The following CDH13 variants were observed in gnomAD, a reference collection of about 807,000 sequenced individuals.
The protein encoded by CDH13 is cadherin 13.
In CDH13, 24 loss-of-function variants were observed where a neutral mutation model predicts 63.8. The ratio of observed to expected loss-of-function variants is 0.38; its 90% CI spans 0.27 to 0.53. The LOEUF (loss-of-function observed/expected upper bound fraction) is 0.53, where lower values mean the gene tolerates loss of function less well. CDH13 is among the 20% of genes least tolerant of loss of function. The pLI is 0.85. For synonymous variants in CDH13, 503 were observed against 355.3 expected (o/e 1.42, Z -4.67); for missense variants, 1,049 against 903.1 (o/e 1.16, Z -2.07).
chr16:83,577,744 C>A (rs916313690), intron 7 of CDH13, among the ~76,000 whole-genome samples: 1 of 152,136 alleles, frequency 6.6e-6, no homozygotes, highest in African/African-American at 2.4e-5. Context: ...GTAGATGCAT[C>A]CAAAAGCCCT....
At chr16:83,382,264 A>C (rs145647103) in intron 6 of CDH13, among the ~76,000 whole-genome samples, 26 of 152,322 alleles carry the variant, frequency 1.7e-4, no homozygotes, top group African/African-American at 6.0e-4. Context: ...ACATTGACCA[A>C]TACTAGCATC....
intron 3 of CDH13, among the ~76,000 whole-genome samples, chr16:83,060,026 C>A (rs920414660): frequency 2.6e-5 from 4 of 151,974 alleles, no homozygotes; most frequent in African/African-American, 7.3e-5. Flanking sequence ...GATCTCCTGA[C>A]CTTGTGATCC....
intron 5 of CDH13, among the ~76,000 whole-genome samples, chr16:83,334,384 C>CACAG (rs1191257128): frequency 7.2e-6 from 1 of 138,716 alleles, no homozygotes; most frequent in Non-Finnish European, 1.6e-5. Context: ...CACACACACA[C>CACAG]ACACACACAC....
At chr16:83,246,839 A>G (rs2194341) in intron 5 of CDH13, among the ~76,000 whole-genome samples, 1 of 152,076 alleles carries the variant, frequency 6.6e-6, no homozygotes, top group African/African-American at 2.4e-5. Flanking sequence ...TTCCTTCTTC[A>G]GTTCTCCTTT....
intron 6 of CDH13, among the ~76,000 whole-genome samples, chr16:83,480,605 T>C (rs2073737257): frequency 6.6e-6 from 1 of 152,136 alleles, no homozygotes; most frequent in Admixed American, 6.5e-5. Flanking sequence ...GCAACAATTC[T>C]CACATTGGCA....
At chr16:83,466,403 A>C (rs985050364) in intron 6 of CDH13, among the ~76,000 whole-genome samples, 1 of 152,226 alleles carries the variant, frequency 6.6e-6, no homozygotes, top group African/African-American at 2.4e-5. Context: ...ATACAGAAAC[A>C]GTCCAGCAAC....
chr16:83,125,571 G>A, intron 4 of CDH13, 70 bp downstream of exon 4: 1 of 798,944 alleles, frequency 1.3e-6, no homozygotes, highest in Non-Finnish European at 2.1e-6. Flanking sequence ...GACTGAGTAT[G>A]ACTGTCTTGG....
intron 2 of CDH13, among the ~76,000 whole-genome samples, chr16:82,886,855 C>T (rs896581889): frequency 6.6e-6 from 1 of 152,120 alleles, no homozygotes; most frequent in Non-Finnish European, 1.5e-5. Context: ...CATTTTATCT[C>T]CGTGATGTTT....
chr16:83,191,505 A>ATATG (rs1491422081), intron 4 of CDH13, among the ~76,000 whole-genome samples: 7,788 of 73,690 alleles, frequency 0.11, 365 homozygotes, highest in Middle Eastern at 0.24. Context: ...ATATATATAT[A>ATATG]CACACACACA....
Position 82,796,303 on chromosome 16 carries a change from C to G in CDH13, c.46-62059C>G, listed in dbSNP as rs115315708. On this transcript the variant is annotated intron_variant, in intron 1 of 13. Coordinates refer to ENST00000567109, the MANE Select transcript of CDH13 (RefSeq NM_001257.5). ...TATGGGGTACCTGGGAAACATCAAG[C>G]CTTACCTAGAATCATCTTTCCAATC... Among the ~76,000 whole-genome samples the G allele has an allele frequency of 4.5e-3, 684 of 152,282 alleles. 8 individuals are homozygous for G. The highest frequency in any genetic ancestry group is 0.016 in the African/African-American group (654 of 41,554).
At chr16:83,222,760 T>C (rs189507037) in intron 5 of CDH13, among the ~76,000 whole-genome samples, 1 of 152,022 alleles carries the variant, frequency 6.6e-6, no homozygotes, top group Non-Finnish European at 1.5e-5. Context: ...TATTAAAGAG[T>C]ACAGGTAGCC....
At chr16:83,134,441 C>T (rs746243958) in intron 4 of CDH13, among the ~76,000 whole-genome samples, 5 of 151,928 alleles carry the variant, frequency 3.3e-5, no homozygotes, top group Non-Finnish European at 7.4e-5. Context: ...CCACCTGCCT[C>T]GGCCTCCCAA....
chr16:82,762,131 G>A (rs2034877876), intron 1 of CDH13, among the ~76,000 whole-genome samples: 1 of 152,138 alleles, frequency 6.6e-6, no homozygotes, highest in South Asian at 2.1e-4. Flanking sequence ...GCTGGCTGCA[G>A]TCCCCTTCTT....
chr16:83,427,257 T>C (rs2071939467), intron 6 of CDH13, among the ~76,000 whole-genome samples: 1 of 151,868 alleles, frequency 6.6e-6, no homozygotes, highest in Non-Finnish European at 1.5e-5. Context: ...CTAGATGTGA[T>C]TAAGTTAAGG....
intron 10 of CDH13, among the ~76,000 whole-genome samples, chr16:83,696,146 C>T (rs563711988): frequency 1.6e-3 from 240 of 152,312 alleles, no homozygotes; most frequent in African/African-American, 5.6e-3. Flanking sequence ...TCGCTTCTGC[C>T]TCCCACAGTG....
intron 5 of CDH13, among the ~76,000 whole-genome samples, chr16:83,249,256 A>G (rs1905255229): frequency 6.6e-6 from 1 of 152,166 alleles, no homozygotes; most frequent in Non-Finnish European, 1.5e-5. Flanking sequence ...GGCACGCTTG[A>G]GCCAGCTCAT....
chr16:82,875,787 G>C (rs1343844529), intron 2 of CDH13, among the ~76,000 whole-genome samples: 1 of 152,186 alleles, frequency 6.6e-6, no homozygotes, highest in Non-Finnish European at 1.5e-5. Context: ...AATAGTAAAG[G>C]AGTGTTAGAA....
At chr16:83,248,803 A>C (rs1905212142) in intron 5 of CDH13, among the ~76,000 whole-genome samples, 3 of 152,172 alleles carry the variant, frequency 2.0e-5, no homozygotes, top group African/African-American at 7.2e-5. Flanking sequence ...CACTTTCTGC[A>C]GGAAATTGCC....
chr16:83,419,927 TAAA>T (rs60157875), intron 6 of CDH13, among the ~76,000 whole-genome samples: 84 of 148,034 alleles, frequency 5.7e-4, no homozygotes, highest in African/African-American at 2.0e-3. Flanking sequence ...TTTTTTTTTT[TAAA>T]AAAAAGTTTT....
Sources: allele counts gnomAD v4.1 joint callset (sites outside exome capture counted in the v4.1 genomes callset), GRCh38; gene constraint gnomAD v4.1.1; transcripts MANE v1.5; gene names NCBI Gene and HGNC (gene_info 2026-07-23, HGNC 2026-07-21).